ZDHHC1: variants seen among roughly 807,000 people sequenced by gnomAD.
The protein encoded by ZDHHC1 is palmitoyltransferase ZDHHC1.
A neutral mutation model predicts 46.9 loss-of-function variants in ZDHHC1; 45 were observed. The observed-to-expected ratio is 0.96, with a 90% confidence interval of 0.76 to 1.23. The LOEUF (loss-of-function observed/expected upper bound fraction) is 1.23, where lower values mean the gene tolerates loss of function less well. Ranked by LOEUF, ZDHHC1 falls within the 50% of genes most tolerant of loss-of-function variation. ZDHHC1 has a pLI of 0.00. For synonymous variants in ZDHHC1, 291 were observed against 286.0 expected, an observed-to-expected ratio of 1.02 and a Z score of -0.18; for missense variants, 649 against 670.8, an observed-to-expected ratio of 0.97 and a Z score of 0.36.
rs1001688419 is a variant in ZDHHC1 at position 67,401,422 on chromosome 16, T to C, written c.253-290A>G. On this transcript the variant is annotated intron_variant, in intron 3 of 11. Transcript: ENST00000565726. The surrounding 1 kb of genome is among the most constrained non-coding windows in gnomAD (Gnocchi z 4.6). Reference sequence around the variant, plus strand: ...AATCGCAGGGTCCTGGCCTCACTGCTCCAGGCCTGGTGCAGGCCCTGGCTG... The same window carrying C: ...AATCGCAGGGTCCTGGCCTCACTGCCCCAGGCCTGGTGCAGGCCCTGGCTG... Among the ~76,000 whole-genome samples the C allele has an allele frequency of 6.6e-6, 1 of 152,216 alleles. No individual in the cohort carries two copies. The highest frequency in any genetic ancestry group is 1.5e-5 in the Non-Finnish European group (1 of 68,030).
In ZDHHC1 at chr16:67,398,731, A is replaced by C; in HGVS notation, c.656T>G (p.Val219Gly). The change falls in exon 7 of 12, where the codon GTC becomes GGC. Residue 219 changes from valine to glycine, a missense_variant and splice_region_variant. Val to Gly is a moderately radical substitution (Grantham distance 109, BLOSUM62 -3). Coordinates refer to ENST00000565726, the MANE Select transcript of ZDHHC1 (RefSeq NM_001323627.2). ...MRLRTNRHFE[V>G]LKNHTDVWFV... ...CCACACATCCGTGTGATTCTTCAGG[A>C]CTGCAAGGCACAGGCAGTGTGTGCT... The C allele has an allele frequency of 6.2e-7, 1 of 1,610,156 alleles. No individual in the cohort carries two copies. The highest frequency in any genetic ancestry group is 8.5e-7 in the Non-Finnish European group (1 of 1,178,652).
intron 7 of ZDHHC1, 102 bp downstream of exon 7, chr16:67,398,471 T>C: frequency 2.0e-6 from 3 of 1,525,732 alleles, no homozygotes; most frequent in African/African-American, 2.7e-5. Context: ...AGTGAGCCCA[T>C]ACTAGGCAGG....
rs1326363021 is a variant in ZDHHC1 at position 67,394,741 on chromosome 16, C to A, written c.1318G>T (p.Ala440Ser). 2 of 1,443,280 alleles carry A rather than the reference C, an allele frequency of 1.4e-6. No homozygotes were observed. The highest frequency in any genetic ancestry group is 2.7e-5 in the Admixed American group (1 of 36,798). 89.4% of individuals were successfully genotyped at this position (1,443,280 alleles called of 1,614,324 possible). Residue 440 changes from alanine (A) to serine (S), a missense_variant, in exon 12 of 12, where the codon GCT becomes TCT. Transcript: ENST00000565726. ...PVAQTRLGSA[A>S]LAAPRGRGRQ... Reference sequence around the variant, plus strand: ...CCCCGGCCCCGCGGGGCGGCCAGAGCGGCGCTGCCCAGGCGCGTCTGCGCC... The same window carrying A: ...CCCCGGCCCCGCGGGGCGGCCAGAGAGGCGCTGCCCAGGCGCGTCTGCGCC...
At chr16:67,410,705 G>A (rs190571708) in intron 1 of ZDHHC1, among the ~76,000 whole-genome samples, 5 of 151,256 alleles carry the variant, frequency 3.3e-5, no homozygotes, top group African/African-American at 7.3e-5. Context: ...TCACTCTGTC[G>A]CTCAGGCTGG....
chr16:67,406,174 C>G lies in ZDHHC1; in HGVS notation c.252+26G>C. The G allele has an allele frequency of 1.2e-6, 2 of 1,608,224 alleles. No homozygotes were observed. Among genetic ancestry groups the G allele is most frequent in the Non-Finnish European group, 1.7e-6 (2 of 1,176,368 alleles). On this transcript the variant is annotated intron_variant, in intron 3 of 11. Coordinates refer to ENST00000565726, the MANE Select transcript of ZDHHC1 (RefSeq NM_001323627.2). This position sits in a 1 kb window ranked among gnomAD's most constrained non-coding sequence, Gnocchi z 4.1. ...TCCTTTGCCTCCCCACTTCCACACA[C>G]CAGCCCTACGCTTTCCCAAGGATAC...
Position 67,398,326 on chromosome 16 carries a change from T to C in ZDHHC1, c.815-2A>G. ...CATAGGTGGTGAGCTTGTGCCACACTGGTGGGGGGAGGAGAGGGCTCAGTG... is the reference window on the plus strand; with the variant it reads ...CATAGGTGGTGAGCTTGTGCCACACCGGTGGGGGGAGGAGAGGGCTCAGTG... On this transcript the variant is annotated splice_acceptor_variant, in intron 7 of 11. Coordinates refer to ENST00000565726, the MANE Select transcript of ZDHHC1 (RefSeq NM_001323627.2). LOFTEE classifies it high-confidence loss of function. 6.2e-7 allele frequency: 1 copy of C among 1,612,406 alleles called. No homozygotes were observed. Among genetic ancestry groups the C allele is most frequent in the South Asian group, 1.1e-5 (1 of 90,878 alleles).
chr16:67,398,366 C>T, intron 7 of ZDHHC1, 42 bp from the exon 8 acceptor site: 1 of 1,586,802 alleles, frequency 6.3e-7, no homozygotes, highest in Non-Finnish European at 8.6e-7. Context: ...GGAAGGGGGA[C>T]TCTGGAGCTC....
At chr16:67,395,346 G>C in intron 9 of ZDHHC1, 66 bp from the exon 10 acceptor site, 6 of 1,496,628 alleles carry the variant, frequency 4.0e-6, no homozygotes, top group Non-Finnish European at 5.3e-6. Flanking sequence ...TGGAGGTGCT[G>C]AGAGAAGCTT....
chr16:67,408,470 C>T (rs573719651), intron 1 of ZDHHC1, among the ~76,000 whole-genome samples: 1 of 150,938 alleles, frequency 6.6e-6, no homozygotes, highest in African/African-American at 2.4e-5. Context: ...CCACCGTGCC[C>T]GGCCTTGCTT....
chr16:67,402,268 C>CA (rs1003840036), intron 3 of ZDHHC1, among the ~76,000 whole-genome samples: 3 of 152,202 alleles, frequency 2.0e-5, no homozygotes, highest in Non-Finnish European at 4.4e-5. Context: ...CACATGGTCT[C>CA]AGAGTAAGTT....
intron 1 of ZDHHC1, among the ~76,000 whole-genome samples, chr16:67,413,710 C>T (rs1318873670): frequency 1.3e-5 from 2 of 152,062 alleles, no homozygotes; most frequent in Non-Finnish European, 2.9e-5. Flanking sequence ...GAAGCCGAGG[C>T]GGGCAGATCA....
chr16:67,412,059 G>A (rs2040755748), intron 1 of ZDHHC1, among the ~76,000 whole-genome samples: 1 of 151,964 alleles, frequency 6.6e-6, no homozygotes, highest in South Asian at 2.1e-4. Context: ...GTTGCAGTGA[G>A]CCGAGATCGT....
chr16:67,400,096 C>T (rs949102641), intron 4 of ZDHHC1, among the ~76,000 whole-genome samples: 88 of 152,334 alleles, frequency 5.8e-4, no homozygotes, highest in African/African-American at 1.9e-3. Flanking sequence ...CAGAGCCCTG[C>T]AATGGGCAGC....
Position 67,395,500 on chromosome 16 carries a change from C to A in ZDHHC1, c.994G>T (p.Ala332Ser). The change falls in exon 9 of 12, where the codon GCA becomes TCA. Residue 332 changes from alanine (A) to serine (S), a missense_variant. Coordinates refer to ENST00000565726, the MANE Select transcript of ZDHHC1 (RefSeq NM_001323627.2). ...TGCACTCACTTGGCATTCACTGCTGCTGGCCCGGCCTGGCCAGGGGGCTCT... is the reference window on the plus strand; with the variant it reads ...TGCACTCACTTGGCATTCACTGCTGATGGCCCGGCCTGGCCAGGGGGCTCT... ...RPEPPGQAGP[A>S]AVNANPSQFL... 6.4e-7 allele frequency: 1 copy of A among 1,554,090 alleles called. No homozygotes were observed. Among genetic ancestry groups the A allele is most frequent in the Non-Finnish European group, 8.7e-7 (1 of 1,148,206 alleles).
At chr16:67,399,299 G>A in intron 5 of ZDHHC1, 56 bp downstream of exon 5, 1 of 1,493,018 alleles carries the variant, frequency 6.7e-7, no homozygotes, top group Non-Finnish European at 9.2e-7. Context: ...AAGGTCTGTG[G>A]CTCCCACCCT....
At chr16:67,398,783 G>C (rs1459259082) in intron 6 of ZDHHC1, 37 bp downstream of exon 6, 1 of 1,612,486 alleles carries the variant, frequency 6.2e-7, no homozygotes, top group Non-Finnish European at 8.5e-7. Context: ...GGGTGACCAG[G>C]GTTGGGGGTG....
In ZDHHC1 at chr16:67,407,003, G is replaced by A. The variant is rs1272715665; in HGVS notation, c.10-561C>T. On this transcript the variant is annotated intron_variant, in intron 2 of 11. Transcript: ENST00000565726. ...TCTGAAGCTCTGCCCCATGCTGCCT[G>A]AGGGTTCTCAGCTGGGGAGGGGCCA... Among the ~76,000 whole-genome samples the A allele has an allele frequency of 2.6e-5, 4 of 152,238 alleles. No individual in the cohort carries two copies. In the East Asian group the frequency reaches 7.7e-4, roughly 29 times the overall value.
At chr16:67,403,116 G>T (rs2040584498) in intron 3 of ZDHHC1, among the ~76,000 whole-genome samples, 1 of 152,184 alleles carries the variant, frequency 6.6e-6, no homozygotes, top group Non-Finnish European at 1.5e-5. Flanking sequence ...AGGAAAGGGG[G>T]CCTGGCTAGG....
intron 5 of ZDHHC1, 129 bp from the exon 6 acceptor site, chr16:67,399,073 C>T (rs760053380): frequency 1.9e-5 from 26 of 1,340,780 alleles, no homozygotes; most frequent in Middle Eastern, 2.4e-4. Flanking sequence ...CCCAACTCCT[C>T]AGAAGCCAAA....
Sources: gnomAD v4.1 joint callset for allele counts (sites outside exome capture counted in the v4.1 genomes callset) on GRCh38, gnomAD v4.1.1 for gene constraint, Gnocchi (gnomAD v3.1) non-coding constraint, MANE v1.5 for transcripts, NCBI Gene and HGNC (gene_info 2026-07-23, HGNC 2026-07-21) for gene names.